Variants in BIRC6 observed in about 807,000 individuals in gnomAD.
BIRC6 encodes the protein baculoviral IAP repeat containing 6, also known as dual E2 ubiquitin-conjugating enzyme/E3 ubiquitin-protein ligase BIRC6.
In BIRC6, 98 loss-of-function variants were observed where a neutral mutation model predicts 503.3. The ratio of observed to expected loss-of-function variants is 0.19; its 90% CI spans 0.17 to 0.23. The LOEUF (loss-of-function observed/expected upper bound fraction) is 0.23, where lower values mean the gene tolerates loss of function less well. Among genes scored for constraint, BIRC6 ranks in the 10% least tolerant of loss-of-function variants. The probability of loss-of-function intolerance (pLI) is 1.00; values close to 1 mark genes in which losing one functional copy is unlikely to be tolerated. For missense variants in BIRC6, 5,360 were observed against 5,806.0 expected (o/e 0.92, Z 2.50); for synonymous variants, 2,240 against 2,078.7 (o/e 1.08, Z -2.11).
At chr2:32,393,442 C>G (rs890330101) in intron 5 of BIRC6, among the ~76,000 whole-genome samples, 3 of 152,160 alleles carry the variant, frequency 2.0e-5, no homozygotes, top group African/African-American at 7.2e-5. Context: ...ACCACTGTTA[C>G]CACTGCTAAA....
intron 21 of BIRC6, among the ~76,000 whole-genome samples, chr2:32,445,967 C>G (rs931878134): frequency 2.0e-5 from 3 of 152,026 alleles, no homozygotes; most frequent in African/African-American, 7.3e-5. Context: ...AAGCGATTCT[C>G]CTGCCTCAGC....
At chr2:32,434,686 A>AT (rs1014976882) in intron 13 of BIRC6, among the ~76,000 whole-genome samples, 2 of 151,930 alleles carry the variant, frequency 1.3e-5, no homozygotes, top group African/African-American at 4.8e-5. Context: ...TGTCTACAAA[A>AT]TTTTTTTAAA....
At chr2:32,544,294 G>C (rs111475611) in intron 62 of BIRC6, among the ~76,000 whole-genome samples, 85 of 152,126 alleles carry the variant, frequency 5.6e-4, no homozygotes, top group Non-Finnish European at 6.6e-4. Flanking sequence ...GCAATACTTA[G>C]ATTAAAGAGA....
At chr2:32,526,165 C>T (rs112062551) in intron 59 of BIRC6, among the ~76,000 whole-genome samples, 6 of 152,120 alleles carry the variant, frequency 3.9e-5, no homozygotes, top group African/African-American at 9.7e-5. Flanking sequence ...CCTCATATGA[C>T]GGTTACAGTC....
Position 32,557,892 on chromosome 2 carries a change from T to C in BIRC6, c.13144+8411T>C, listed in dbSNP as rs368984729. 7 of 152,258 alleles carry C rather than the reference T, an allele frequency of 4.6e-5. No homozygotes were observed. In the East Asian group the frequency reaches 1.2e-3, roughly 25 times the overall value. The allele number at this position is 152,258 out of a possible 1,614,324, so 9.4% of individuals were successfully genotyped here. ...CTTCATCTAGAGAAAAAGAGAATGA[T>C]TGTGAAGCAAATTGCTAGAAAATGT... On this transcript the variant is annotated intron_variant, in intron 65 of 73. Coordinates refer to ENST00000421745, the MANE Select transcript of BIRC6 (RefSeq NM_016252.4).
At chr2:32,494,153 C>A (rs925693061) in intron 45 of BIRC6, among the ~76,000 whole-genome samples, 1 of 151,870 alleles carries the variant, frequency 6.6e-6, no homozygotes, top group Non-Finnish European at 1.5e-5. Context: ...TGCATGAATG[C>A]TTCAATATCA....
intron 23 of BIRC6, among the ~76,000 whole-genome samples, chr2:32,459,360 T>G (rs569602973): frequency 7.9e-5 from 12 of 152,340 alleles, no homozygotes; most frequent in Admixed American, 7.2e-4. Context: ...TTGGCTGTTA[T>G]GTCTAATGCT....
rs763552918 is a variant in BIRC6 at position 32,553,197 on chromosome 2, CAAAAAAAAAAAAAAAAAAAA to C, written c.13144+3734_13144+3753del. Among the ~76,000 whole-genome samples the C allele has an allele frequency of 6.8e-3, 238 of 34,958 alleles. 3 individuals carry two copies. Among genetic ancestry groups the C allele is most frequent in the African/African-American group, 0.021 (205 of 9,714 alleles). 22.9% of individuals were successfully genotyped at this position (34,958 alleles called of 152,430 possible). A position where few individuals can be genotyped will look rare whatever the true frequency, so the allele number is the denominator to read the frequency against. Reference sequence around the variant, plus strand: ...GGGTGACAAGAGTGAAACTCTGTCTCAAAAAAAAAAAAAAAAAAAAAAAAAAAAAAAAAAAAAGATAAATT... The same window carrying C: ...GGGTGACAAGAGTGAAACTCTGTCTCAAAAAAAAAAAAAAAAAGATAAATT... On this transcript the variant is annotated intron_variant, in intron 65 of 73. Coordinates refer to ENST00000421745, the MANE Select transcript of BIRC6 (RefSeq NM_016252.4).
At chr2:32,546,698 A>T (rs776427832) in intron 63 of BIRC6, among the ~76,000 whole-genome samples, 1 of 152,230 alleles carries the variant, frequency 6.6e-6, no homozygotes, top group Non-Finnish European at 1.5e-5. Flanking sequence ...CAGACATAAA[A>T]TGAGCTTTAT....
chr2:32,458,660 G>A (rs1284594046), intron 23 of BIRC6, among the ~76,000 whole-genome samples: 1 of 136,066 alleles, frequency 7.3e-6, no homozygotes, highest in Non-Finnish European at 1.6e-5. Flanking sequence ...CATTTATTTG[G>A]CCTTTTGTTA....
Position 32,509,921 on chromosome 2 carries a change from G to T in BIRC6, c.10164G>T (p.Gln3388His), listed in dbSNP as rs1279060966. 1 of 1,613,990 alleles carries T rather than the reference G, an allele frequency of 6.2e-7. No homozygotes were observed. Among genetic ancestry groups the T allele is most frequent in the Non-Finnish European group, 8.5e-7 (1 of 1,179,882 alleles). The change falls in exon 52 of 74, where the codon CAG (glutamine) becomes CAT (histidine). Residue 3388 changes from glutamine (Q) to histidine (H), a missense_variant. Physicochemically the swap from Gln to His is conservative, Grantham distance 24. Transcript: ENST00000421745. ...TTGTGCTTGTAAAGATAGGACTGCAGTCTACTAGAATTGGCCTGAAGCTCA... is the reference window on the plus strand; with the variant it reads ...TTGTGCTTGTAAAGATAGGACTGCATTCTACTAGAATTGGCCTGAAGCTCA... Reference protein sequence around the residue: ...IEVVLVKIGLQSTRIGLKLID... With the variant: ...IEVVLVKIGLHSTRIGLKLID...
chr2:32,429,044 T>C (rs2043827782), intron 10 of BIRC6, 102 bp from the exon 11 acceptor site: 1 of 978,534 alleles, frequency 1.0e-6, no homozygotes, highest in African/African-American at 1.7e-5. Context: ...TTTCCTTATC[T>C]GCCTATGAAG....
chr2:32,389,274 T>A (rs572493492), intron 4 of BIRC6, among the ~76,000 whole-genome samples: 1 of 152,100 alleles, frequency 6.6e-6, no homozygotes, highest in African/African-American at 2.4e-5. Context: ...TAATGATTAA[T>A]AACTATTTTT....
Position 32,482,586 on chromosome 2 carries a change from A to G in BIRC6, c.7696+4A>G, listed in dbSNP as rs754316510. 8.1e-6 allele frequency: 13 copies of G among 1,613,432 alleles called. No homozygotes were observed. The highest frequency in any genetic ancestry group is 1.1e-5 in the Non-Finnish European group (13 of 1,179,610). ...GTTAGCGTTTCAGTCTCTCAGGGTA[A>G]GTGTATGTTTATATTTTAAGACATA... On this transcript the variant is annotated splice_donor_region_variant and intron_variant, in intron 39 of 73. Coordinates refer to ENST00000421745, the MANE Select transcript of BIRC6 (RefSeq NM_016252.4).
intron 37 of BIRC6, among the ~76,000 whole-genome samples, chr2:32,479,870 G>GAA (rs2050179152): frequency 6.6e-6 from 1 of 152,032 alleles, no homozygotes; most frequent in South Asian, 2.1e-4. Flanking sequence ...ATGCAATGTA[G>GAA]AAAACATGTA....
At chr2:32,592,250 C>G (rs1366331919) in intron 66 of BIRC6, among the ~76,000 whole-genome samples, 1 of 152,160 alleles carries the variant, frequency 6.6e-6, no homozygotes, top group African/African-American at 2.4e-5. Context: ...CATGTGTTCT[C>G]TGACTTCTTA....
chr2:32,607,151 AT>A (rs1026313539), intron 71 of BIRC6, among the ~76,000 whole-genome samples: 3 of 150,076 alleles, frequency 2.0e-5, no homozygotes, highest in African/African-American at 7.4e-5. Flanking sequence ...TTTTTTTAGC[AT>A]TTTTTGGAAA....
chr2:32,576,929 G>A (rs2060306869), intron 66 of BIRC6, among the ~76,000 whole-genome samples: 1 of 152,092 alleles, frequency 6.6e-6, no homozygotes, highest in South Asian at 2.1e-4. Context: ...TACTAGTAAT[G>A]GAAAATGTAA....
At chr2:32,477,875 A>G (rs2049944580) in intron 35 of BIRC6, among the ~76,000 whole-genome samples, 1 of 152,190 alleles carries the variant, frequency 6.6e-6, no homozygotes, top group Admixed American at 6.5e-5. Context: ...GTGTCTTAAA[A>G]GATGAAAAAA....
Sources: gnomAD v4.1 joint callset for allele counts (sites outside exome capture counted in the v4.1 genomes callset) on GRCh38, gnomAD v4.1.1 for gene constraint, MANE v1.5 for transcripts, NCBI Gene and HGNC (gene_info 2026-07-23, HGNC 2026-07-21) for gene names.